Variants in PCNX2 observed in about 807,000 individuals in gnomAD.
PCNX2 encodes the protein pecanex-like protein 2.
In PCNX2, 168 loss-of-function variants were observed where a neutral mutation model predicts 223.8. The ratio of observed to expected loss-of-function variants is 0.75; its 90% CI spans 0.66 to 0.85. The LOEUF is 0.85. Ranked by LOEUF, PCNX2 falls within the 40% of genes least tolerant of loss-of-function variation. PCNX2 has a pLI of 0.00. For missense variants in PCNX2, 2,507 were observed against 2,675.5 expected, an observed-to-expected ratio of 0.94 and a Z score of 1.39; for synonymous variants, 1,006 against 1,052.6, an observed-to-expected ratio of 0.96 and a Z score of 0.86.
At chr1:233,223,641 T>G (rs934391748) in intron 10 of PCNX2, among the ~76,000 whole-genome samples, 1 of 152,018 alleles carries the variant, frequency 6.6e-6, no homozygotes, top group African/African-American at 2.4e-5. Context: ...GGCCCCGGTG[T>G]GTGATGTTTG....
chr1:233,125,265 G>T (rs747837118), intron 21 of PCNX2, among the ~76,000 whole-genome samples: 1 of 152,036 alleles, frequency 6.6e-6, no homozygotes, highest in Non-Finnish European at 1.5e-5. Flanking sequence ...CTATTATACC[G>T]TACTTAATTT....
At chr1:233,254,698 C>T (rs374107046) in intron 5 of PCNX2, among the ~76,000 whole-genome samples, 27 of 150,074 alleles carry the variant, frequency 1.8e-4, no homozygotes, top group African/African-American at 2.0e-4. Context: ...CCTAGATATA[C>T]GCACTTTTTT....
the PCNX2 span, among the ~76,000 whole-genome samples, chr1:233,302,816 A>G: frequency 2.2e-3 from 328 of 152,286 alleles, 2 homozygotes; most frequent in Middle Eastern, 0.014. Flanking sequence ...CTAAGTATGT[A>G]TAGACATATA....
chr1:233,178,854 G>A (rs992667142), intron 16 of PCNX2, among the ~76,000 whole-genome samples: 2 of 152,170 alleles, frequency 1.3e-5, no homozygotes, highest in African/African-American at 4.8e-5. Context: ...AAACTAAAAT[G>A]TTTGCTAGAT....
intron 12 of PCNX2, chr1:233,211,830 C>T (rs771158481): frequency 2.6e-5 from 26 of 984,754 alleles, no homozygotes; most frequent in Non-Finnish European, 2.9e-5. Flanking sequence ...GAAGCAAATT[C>T]GGAGAATGAG....
chr1:233,229,036 T>C (rs1371467978), intron 9 of PCNX2, among the ~76,000 whole-genome samples: 1 of 152,176 alleles, frequency 6.6e-6, no homozygotes, highest in Non-Finnish European at 1.5e-5. Flanking sequence ...TCTACATTTG[T>C]CTTTGGCTTA....
intron 1 of PCNX2, among the ~76,000 whole-genome samples, chr1:233,269,066 A>G (rs1660497686): frequency 6.6e-6 from 1 of 152,218 alleles, no homozygotes; most frequent in African/African-American, 2.4e-5. Context: ...TGCAGATATT[A>G]ATATCAGTCA....
At chr1:233,008,536 T>C (rs940094307) in intron 28 of PCNX2, among the ~76,000 whole-genome samples, 2 of 152,178 alleles carry the variant, frequency 1.3e-5, no homozygotes, top group South Asian at 4.1e-4. Flanking sequence ...GGAATTTCTT[T>C]CCATGGGGGA....
rs541170230 is a variant in PCNX2 at position 233,285,023 on chromosome 1, T to C, written c.153+10303A>G. 4.9e-5 allele frequency: 48 copies of C among 985,128 alleles called. No homozygotes were observed. In the South Asian group the frequency reaches 1.8e-3, roughly 38 times the overall value. The allele number at this position is 985,128 out of a possible 1,614,324, so 61.0% of individuals were successfully genotyped here. Reference sequence around the variant, plus strand: ...CAGGACCCCCTGCTAACCATACCCCTGACATCCCAATGGACCATGTTGGAC... The same window carrying C: ...CAGGACCCCCTGCTAACCATACCCCCGACATCCCAATGGACCATGTTGGAC... On this transcript the variant is annotated intron_variant, in intron 1 of 33. Transcript: ENST00000258229.
In PCNX2 at chr1:232,984,474, G is replaced by A. The variant is rs759994952; in HGVS notation, c.6244C>T (p.Leu2082Phe). 1 of 1,611,918 alleles carries A rather than the reference G, an allele frequency of 6.2e-7. No homozygotes were observed. The highest frequency in any genetic ancestry group is 8.5e-7 in the Non-Finnish European group (1 of 1,179,194). Residue 2082 changes from leucine to phenylalanine, a missense_variant, in exon 34 of 34, where the codon CTC becomes TTC. Transcript: ENST00000258229. ...TCAGGGGGCTCACATGGCTCGGAGA[G>A]GTGCTTCCAAAGAGAAGAGAGAAAC... Reference protein sequence around the residue: ...ARAASQATRHLSEPCEPPDAT... With the variant: ...ARAASQATRHFSEPCEPPDAT...
At chr1:233,085,258 G>C (rs115221267) in intron 23 of PCNX2, among the ~76,000 whole-genome samples, 1 of 151,916 alleles carries the variant, frequency 6.6e-6, no homozygotes, top group Non-Finnish European at 1.5e-5. Flanking sequence ...ACTTGAACTC[G>C]GGGGTGGAGG....
chr1:233,032,664 CAT>C (rs1300423899), intron 25 of PCNX2, among the ~76,000 whole-genome samples: 2 of 151,778 alleles, frequency 1.3e-5, no homozygotes, highest in African/African-American at 4.8e-5. Context: ...TATCCATGCA[CAT>C]GTGTGTGTCT....
At chr1:233,115,003 A>G (rs1293842647) in intron 21 of PCNX2, among the ~76,000 whole-genome samples, 2 of 152,132 alleles carry the variant, frequency 1.3e-5, no homozygotes, top group Non-Finnish European at 2.9e-5. Context: ...CTTATCCTCC[A>G]GAGCACAGCA....
At chr1:233,296,807 C>T (rs1662150757), upstream of PCNX2, among the ~76,000 whole-genome samples, 1 of 152,236 alleles carries the variant, frequency 6.6e-6, no homozygotes, top group Admixed American at 6.5e-5. Context: ...TTACTTATGG[C>T]TGCCCTAGTC....
chr1:233,237,920 T>C (rs1454776941), intron 8 of PCNX2, among the ~76,000 whole-genome samples: 1 of 152,180 alleles, frequency 6.6e-6, no homozygotes, highest in Non-Finnish European at 1.5e-5. Flanking sequence ...TGGCTGGGAT[T>C]AAGAGAGCTC....
intron 21 of PCNX2, among the ~76,000 whole-genome samples, chr1:233,131,691 G>A (rs368910175): frequency 2.0e-5 from 3 of 152,068 alleles, no homozygotes; most frequent in East Asian, 3.9e-4. Context: ...CCAACTTTCC[G>A]ACTTGCTGCC....
intron 21 of PCNX2, among the ~76,000 whole-genome samples, chr1:233,111,583 T>C (rs1675120279): frequency 6.6e-6 from 1 of 152,040 alleles, no homozygotes; most frequent in African/African-American, 2.4e-5. Context: ...TTTGAATTTT[T>C]TGTAGAGATG....
chr1:233,303,504 G>C, the PCNX2 span, among the ~76,000 whole-genome samples: 2 of 152,018 alleles, frequency 1.3e-5, no homozygotes, highest in African/African-American at 4.8e-5. Context: ...GAAAAAGTGG[G>C]ACCCTGTCTC....
At chr1:233,105,368 C>A (rs938188673) in intron 21 of PCNX2, among the ~76,000 whole-genome samples, 1 of 152,110 alleles carries the variant, frequency 6.6e-6, no homozygotes, top group African/African-American at 2.4e-5. Context: ...ATAAACATCC[C>A]TTACAAACTA....
Sources: allele counts gnomAD v4.1 joint callset (sites outside exome capture counted in the v4.1 genomes callset), GRCh38; gene constraint gnomAD v4.1.1; transcripts MANE v1.5; gene names NCBI Gene and HGNC (gene_info 2026-07-23, HGNC 2026-07-21).